CTNND2: variants seen among roughly 807,000 people sequenced by gnomAD.
CTNND2 encodes the protein catenin delta-2.
Under a neutral mutation model 144.4 loss-of-function variants are expected in CTNND2, and 22 were observed. The ratio of observed to expected loss-of-function variants is 0.15; its 90% CI spans 0.11 to 0.22. The LOEUF (loss-of-function observed/expected upper bound fraction) is 0.22. Ranked by LOEUF, CTNND2 falls within the 10% of genes least tolerant of loss-of-function variation. The pLI, the probability that CTNND2 is intolerant of heterozygous loss-of-function variation, is 1.00. For synonymous variants in CTNND2, 751 were observed against 695.6 expected (o/e 1.08, Z -1.25); for missense variants, 1,353 against 1,618.8 (o/e 0.84, Z 2.82).
intron 2 of CTNND2, among the ~76,000 whole-genome samples, chr5:11,656,046 A>T (rs932907082): frequency 3.9e-5 from 6 of 152,090 alleles, no homozygotes; most frequent in Non-Finnish European, 7.4e-5. Context: ...AGCTCTGAAT[A>T]TTTCCATTCC....
intron 7 of CTNND2, among the ~76,000 whole-genome samples, chr5:11,369,210 T>C (rs1051511016): frequency 1.3e-5 from 2 of 152,212 alleles, no homozygotes; most frequent in African/African-American, 4.8e-5. Flanking sequence ...ATGAATGACG[T>C]TCATAAGGAA....
At chr5:11,641,973 G>A (rs566915572) in intron 2 of CTNND2, among the ~76,000 whole-genome samples, 6 of 151,738 alleles carry the variant, frequency 4.0e-5, no homozygotes, top group African/African-American at 7.2e-5. Context: ...TTTTCTTTAC[G>A]GTGCATAACA....
At chr5:11,114,377 G>A (rs1165294962) in intron 13 of CTNND2, among the ~76,000 whole-genome samples, 1 of 152,050 alleles carries the variant, frequency 6.6e-6, no homozygotes, top group African/African-American at 2.4e-5. Context: ...AGGGATGGGG[G>A]CGGATGGGGA....
intron 2 of CTNND2, among the ~76,000 whole-genome samples, chr5:11,647,514 G>C (rs1274332760): frequency 1.3e-5 from 2 of 151,814 alleles, no homozygotes; most frequent in Non-Finnish European, 2.9e-5. Context: ...CCACTTTGCT[G>C]ATAGTGCCCC....
chr5:11,024,189 T>C (rs1316789212), intron 16 of CTNND2, among the ~76,000 whole-genome samples: 2 of 152,198 alleles, frequency 1.3e-5, no homozygotes, highest in Admixed American at 1.3e-4. Flanking sequence ...CAGTGATACA[T>C]AAAACACAGG....
At chr5:11,001,018 A>G (rs1739901736) in intron 18 of CTNND2, among the ~76,000 whole-genome samples, 1 of 152,206 alleles carries the variant, frequency 6.6e-6, no homozygotes, top group African/African-American at 2.4e-5. Flanking sequence ...GAGGCCCTTC[A>G]GTCTCCATTC....
At chr5:11,711,072 T>C (rs1264157378) in intron 2 of CTNND2, among the ~76,000 whole-genome samples, 2 of 152,092 alleles carry the variant, frequency 1.3e-5, no homozygotes, top group Non-Finnish European at 2.9e-5. Flanking sequence ...TTAATTTTTT[T>C]TTTTTCTTTT....
At chr5:11,645,608 A>T (rs982383319) in intron 2 of CTNND2, among the ~76,000 whole-genome samples, 2 of 152,158 alleles carry the variant, frequency 1.3e-5, no homozygotes, top group African/African-American at 4.8e-5. Context: ...CCTTTCAACA[A>T]CTGAGAACCA....
At chr5:11,611,914 C>T (rs866476321) in intron 2 of CTNND2, among the ~76,000 whole-genome samples, 1 of 152,192 alleles carries the variant, frequency 6.6e-6, no homozygotes, top group Non-Finnish European at 1.5e-5. Context: ...CAGCTCCCTC[C>T]AGACTCTGAG....
chr5:11,443,302 A>ATG (rs1355665756), intron 3 of CTNND2, among the ~76,000 whole-genome samples: 1 of 61,098 alleles, frequency 1.6e-5, no homozygotes, highest in African/African-American at 7.1e-5. Flanking sequence ...GTGTGTGTGC[A>ATG]TGTGTGTGGT....
chr5:11,296,949 G>A (rs929535484), intron 9 of CTNND2, among the ~76,000 whole-genome samples: 3 of 152,226 alleles, frequency 2.0e-5, no homozygotes, highest in East Asian at 1.9e-4. Context: ...AAACCTGCAC[G>A]TTGTGCACAT....
intron 1 of CTNND2, among the ~76,000 whole-genome samples, chr5:11,774,638 T>C (rs1405878554): frequency 1.3e-5 from 2 of 152,058 alleles, no homozygotes; most frequent in Non-Finnish European, 2.9e-5. Flanking sequence ...GATAGTCACA[T>C]TTTCGCTTGC....
At position 11,903,628 on chromosome 5, in the gene CTNND2, G is replaced by C. The variant is rs1179066769; in HGVS notation, c.37+189C>G. ...GGCACTAACCCCGGACCCCCTTCCA[G>C]GCACAGCGGCTTCCGAGGGGGACCT... On this transcript the variant is annotated intron_variant, in intron 1 of 21. Coordinates refer to ENST00000304623, the MANE Select transcript of CTNND2 (RefSeq NM_001332.4). The surrounding 1 kb of genome is among the most constrained non-coding windows in gnomAD (Gnocchi z 5.4). Among the ~76,000 whole-genome samples the C allele has an allele frequency of 1.3e-5, 2 of 152,164 alleles. No homozygotes were observed. The highest frequency in any genetic ancestry group is 2.9e-5 in the Non-Finnish European group (2 of 68,034).
intron 6 of CTNND2, among the ~76,000 whole-genome samples, chr5:11,388,323 A>G (rs1759295937): frequency 1.3e-5 from 2 of 152,236 alleles, no homozygotes; most frequent in African/African-American, 4.8e-5. Flanking sequence ...TCTACAACGT[A>G]GAGAATGTTC....
At chr5:11,627,881 C>T (rs1781235473) in intron 2 of CTNND2, among the ~76,000 whole-genome samples, 1 of 150,966 alleles carries the variant, frequency 6.6e-6, no homozygotes, top group South Asian at 2.1e-4. Flanking sequence ...ATTACATTCT[C>T]ATAAGGAGCG....
chr5:11,364,871 G>A lies in CTNND2; in HGVS notation c.1197C>T (p.Tyr399=), dbSNP rs1317264234. 1.2e-6 allele frequency: 2 copies of A among 1,612,158 alleles called. No homozygotes were observed. Among genetic ancestry groups the A allele is most frequent in the Admixed American group, 1.7e-5 (1 of 59,798 alleles). Residue 399 remains tyrosine (Y), a synonymous_variant, in exon 8 of 22, where the codon TAC becomes TAT. Coordinates refer to ENST00000304623, the MANE Select transcript of CTNND2 (RefSeq NM_001332.4). ...GSLAAGSRAS[Y]SSQHGHLGPE... ...GGCCCAGGTGCCCATGCTGGCTGCTGTATGAGGCTCGGGAACCAGCTGAAA... is the reference window on the plus strand; with the variant it reads ...GGCCCAGGTGCCCATGCTGGCTGCTATATGAGGCTCGGGAACCAGCTGAAA...
chr5:10,987,802 G>A (rs556839808), intron 20 of CTNND2, among the ~76,000 whole-genome samples: 1 of 151,126 alleles, frequency 6.6e-6, no homozygotes, highest in South Asian at 2.1e-4. Context: ...CCTCCCCAGT[G>A]GGTGATGTCA....
At chr5:11,169,195 G>A (rs1759655576) in intron 11 of CTNND2, among the ~76,000 whole-genome samples, 1 of 152,064 alleles carries the variant, frequency 6.6e-6, no homozygotes, top group South Asian at 2.1e-4. Context: ...TCCCAGCCAA[G>A]GACCTACAGC....
At chr5:11,769,253 G>A (rs2126821267) in intron 1 of CTNND2, among the ~76,000 whole-genome samples, 1 of 152,214 alleles carries the variant, frequency 6.6e-6, no homozygotes, top group South Asian at 2.1e-4. Flanking sequence ...GAACTTTATG[G>A]GGTGCAAAGT....
Sources: allele counts gnomAD v4.1 joint callset (sites outside exome capture counted in the v4.1 genomes callset), GRCh38; gene constraint gnomAD v4.1.1; non-coding constraint Gnocchi (gnomAD v3.1); transcripts MANE v1.5; gene names NCBI Gene and HGNC (gene_info 2026-07-23, HGNC 2026-07-21).